Variants in EYS observed in about 807,000 individuals in gnomAD.
EYS encodes protein eyes shut homolog.
EYS carries 250 observed loss-of-function variants against 282.1 expected under a neutral mutation model. The ratio of observed to expected loss-of-function variants is 0.89; its 90% confidence interval spans 0.80 to 0.98. EYS has a LOEUF of 0.98. Among genes scored for constraint, EYS ranks in the 50% least tolerant of loss-of-function variants. The pLI, the probability that EYS is intolerant of heterozygous loss-of-function variation, is 0.00. For synonymous variants in EYS, 1,355 were observed against 1,282.9 expected (o/e 1.06, Z -1.20); for missense variants, 4,016 against 3,709.0 (o/e 1.08, Z -2.15).
At chr6:64,102,352 T>A (rs1772858468) in intron 31 of EYS, among the ~76,000 whole-genome samples, 2 of 152,166 alleles carry the variant, frequency 1.3e-5, no homozygotes, top group Non-Finnish European at 2.9e-5. Flanking sequence ...AGTAAATAGC[T>A]ATCATTTTCA....
intron 36 of EYS, among the ~76,000 whole-genome samples, chr6:63,825,043 G>C (rs1290726210): frequency 2.0e-5 from 3 of 152,156 alleles, no homozygotes; most frequent in Non-Finnish European, 2.9e-5. Flanking sequence ...CCTGGGAATA[G>C]ACTCGGGGCT....
chr6:64,376,224 A>T (rs966350809), intron 29 of EYS, among the ~76,000 whole-genome samples: 27 of 152,288 alleles, frequency 1.8e-4, no homozygotes, highest in African/African-American at 6.5e-4. Flanking sequence ...AAGTTAACTC[A>T]GACTTAATTG....
intron 31 of EYS, among the ~76,000 whole-genome samples, chr6:64,211,465 A>G (rs1765762715): frequency 6.6e-6 from 1 of 151,838 alleles, no homozygotes; most frequent in African/African-American, 2.4e-5. Context: ...TTGACGTGTC[A>G]GTCACTCAAT....
At chr6:65,652,556 G>C (rs1213133686) in intron 1 of EYS, among the ~76,000 whole-genome samples, 1 of 151,902 alleles carries the variant, frequency 6.6e-6, no homozygotes. Flanking sequence ...CTTCTGTGTA[G>C]TTAGTGTAAA....
At chr6:64,444,224 A>C (rs1775047954) in intron 26 of EYS, among the ~76,000 whole-genome samples, 2 of 152,170 alleles carry the variant, frequency 1.3e-5, no homozygotes, top group African/African-American at 4.8e-5. Context: ...TAATAATGTA[A>C]AAAGGCTGCA....
chr6:63,877,290 T>A (rs1773001609), intron 35 of EYS, among the ~76,000 whole-genome samples: 1 of 152,232 alleles, frequency 6.6e-6, no homozygotes, highest in African/African-American at 2.4e-5. Flanking sequence ...GAATGTTGAA[T>A]ATTGGCCCCC....
intron 12 of EYS, among the ~76,000 whole-genome samples, chr6:65,069,813 T>A (rs1773854293): frequency 6.6e-6 from 1 of 151,968 alleles, no homozygotes; most frequent in African/African-American, 2.4e-5. Context: ...AACTGAAATA[T>A]CTGAACAGCT....
intron 22 of EYS, among the ~76,000 whole-genome samples, chr6:64,656,507 T>C (rs943811361): frequency 2.6e-5 from 4 of 152,274 alleles, no homozygotes; most frequent in Middle Eastern, 3.4e-3. Flanking sequence ...AGTAGTTTTT[T>C]AGGAGATATA....
At chr6:64,378,872 A>G (rs1772652044) in intron 29 of EYS, among the ~76,000 whole-genome samples, 3 of 152,176 alleles carry the variant, frequency 2.0e-5, no homozygotes, top group Non-Finnish European at 4.4e-5. Context: ...GCATATCTCA[A>G]AAACCTTAAG....
At chr6:64,269,289 A>G (rs1034094448) in intron 30 of EYS, among the ~76,000 whole-genome samples, 1 of 152,148 alleles carries the variant, frequency 6.6e-6, no homozygotes, top group Admixed American at 6.6e-5. Context: ...ACAAAATACC[A>G]TAAGAATTTG....
chr6:63,847,853 G>A (rs1772139745), intron 36 of EYS, among the ~76,000 whole-genome samples: 1 of 152,050 alleles, frequency 6.6e-6, no homozygotes, highest in African/African-American at 2.4e-5. Flanking sequence ...ATGATTTTGT[G>A]GCTCTTTGTC....
rs566617607 is a variant in EYS, at chr6:64,453,387, G to T, written c.5645-14035C>A. 8.5e-5 allele frequency among the ~76,000 whole-genome samples: 13 copies of T among 152,282 alleles called. No individual in the cohort carries two copies. In the South Asian group the frequency reaches 2.7e-3, roughly 32 times the overall value. On this transcript the variant is annotated intron_variant, in intron 26 of 42. Transcript: ENST00000503581. ...TGCTGGAGAGGATGTGGAGAAATAG[G>T]AATGCTTTTACACTGTTGGTGGGAC...
intron 12 of EYS, among the ~76,000 whole-genome samples, chr6:65,238,082 T>C (rs1319005757): frequency 1.3e-5 from 2 of 151,910 alleles, no homozygotes; most frequent in Non-Finnish European, 2.9e-5. Context: ...TTTTCTTTTT[T>C]ACCAAAGTTT....
intron 33 of EYS, among the ~76,000 whole-genome samples, chr6:64,007,687 T>A (rs147407458): frequency 6.6e-6 from 1 of 152,194 alleles, no homozygotes; most frequent in Admixed American, 6.5e-5. Flanking sequence ...GTATGTTGTA[T>A]CTTTATTCAT....
At chr6:65,672,561 C>T (rs767463346) in intron 1 of EYS, among the ~76,000 whole-genome samples, 27 of 152,028 alleles carry the variant, frequency 1.8e-4, no homozygotes, top group Non-Finnish European at 3.1e-4. Flanking sequence ...CAAAAAGTAA[C>T]AAGGCACATG....
chr6:64,704,976 A>G (rs566947830), intron 22 of EYS, among the ~76,000 whole-genome samples: 2 of 152,272 alleles, frequency 1.3e-5, no homozygotes, highest in East Asian at 3.9e-4. Flanking sequence ...AGTCCTAGCC[A>G]GAGCAATCAG....
intron 22 of EYS, among the ~76,000 whole-genome samples, chr6:64,755,941 G>T (rs1197387600): frequency 1.3e-5 from 2 of 152,100 alleles, no homozygotes; most frequent in African/African-American, 4.8e-5. Context: ...TGCATTTTGT[G>T]AATCTATAAG....
chr6:64,100,990 T>A lies in EYS; in HGVS notation c.6425-18988A>T, dbSNP rs117008202. Among the ~76,000 whole-genome samples, 971 of 152,270 alleles carry A rather than the reference T, an allele frequency of 6.4e-3. 9 individuals carry two copies. The highest frequency in any genetic ancestry group is 0.031 in the East Asian group (161 of 5,178). ...TTGTTCAGGCACAAAGATCTTTTTT[T>A]TTGTGTCTCATGCTGGCCTTGAAAT... is the stretch of plus-strand genomic sequence containing the variant. On this transcript the variant is annotated intron_variant, in intron 31 of 42. Transcript: ENST00000503581.
chr6:65,703,142 C>A (rs1167153615), intron 1 of EYS, among the ~76,000 whole-genome samples: 6 of 152,116 alleles, frequency 3.9e-5, no homozygotes, highest in Non-Finnish European at 8.8e-5. Context: ...TGCCAACCTG[C>A]ACAATCCCAT....
Sources: allele counts gnomAD v4.1 joint callset (sites outside exome capture counted in the v4.1 genomes callset), GRCh38; gene constraint gnomAD v4.1.1; transcripts MANE v1.5; gene names NCBI Gene and HGNC (gene_info 2026-07-23, HGNC 2026-07-21).